RBFOX3: variants seen among roughly 807,000 people sequenced by gnomAD.
RBFOX3 encodes RNA binding protein fox-1 homolog 3.
RBFOX3 carries 17 observed loss-of-function variants against 48.7 expected under a neutral mutation model. The ratio of observed to expected loss-of-function variants is 0.35; its 90% confidence interval spans 0.24 to 0.52. The LOEUF is 0.52. Among genes scored for constraint, RBFOX3 ranks in the 20% least tolerant of loss-of-function variants. RBFOX3 has a pLI of 0.94. For synonymous variants in RBFOX3, 212 were observed against 209.5 expected, an observed-to-expected ratio of 1.01 and a Z score of -0.10; for missense variants, 382 against 497.5, an observed-to-expected ratio of 0.77 and a Z score of 2.21.
chr17:79,120,301 T>C (rs757274615), intron 4 of RBFOX3, among the ~76,000 whole-genome samples: 75 of 152,172 alleles, frequency 4.9e-4, no homozygotes, highest in Non-Finnish European at 1.0e-3. Context: ...TGTACGTACG[T>C]ATGTACGTAT....
chr17:79,097,208 C>A, intron 11 of RBFOX3, 84 bp downstream of exon 11: 1 of 1,237,468 alleles, frequency 8.1e-7, no homozygotes, highest in Non-Finnish European at 1.1e-6. Context: ...TGCCTAGCCC[C>A]TCGCACTGCG....
chr17:79,302,156 T>G (rs2075409879), intron 3 of RBFOX3, among the ~76,000 whole-genome samples: 4 of 152,250 alleles, frequency 2.6e-5, no homozygotes. Context: ...AACAGACATT[T>G]GCACCCACTG....
At chr17:79,630,249 TC>T in the RBFOX3 span, among the ~76,000 whole-genome samples, 1 of 152,110 alleles carries the variant, frequency 6.6e-6, no homozygotes, top group Non-Finnish European at 1.5e-5. Context: ...CCAAGAAGAC[TC>T]CAGAGTGAGC....
intron 2 of RBFOX3, among the ~76,000 whole-genome samples, chr17:79,402,178 G>A (rs2062892657): frequency 6.6e-6 from 1 of 152,318 alleles, no homozygotes; most frequent in East Asian, 1.9e-4. Flanking sequence ...GAAGGGAAGG[G>A]GCTCTGCAAG....
chr17:79,462,853 C>A (rs566186667), intron 2 of RBFOX3, among the ~76,000 whole-genome samples: 1 of 152,182 alleles, frequency 6.6e-6, no homozygotes. Context: ...CCAGACACAG[C>A]GGTTATCTGA....
intron 12 of RBFOX3, 51 bp from the exon 13 acceptor site, chr17:79,095,625 C>G: frequency 6.7e-7 from 1 of 1,497,914 alleles, no homozygotes; most frequent in Non-Finnish European, 9.1e-7. Context: ...TGGGGCTCCC[C>G]AGGGAAAGGC....
At chr17:79,613,918 G>C (rs1160094037), upstream of RBFOX3, among the ~76,000 whole-genome samples, 2 of 152,226 alleles carry the variant, frequency 1.3e-5, no homozygotes, top group Non-Finnish European at 2.9e-5. Context: ...AGGTTGCAGA[G>C]AGCCGAGATC....
chr17:79,585,507 A>T (rs1210662636), intron 1 of RBFOX3, among the ~76,000 whole-genome samples: 1 of 152,168 alleles, frequency 6.6e-6, no homozygotes, highest in Non-Finnish European at 1.5e-5. Flanking sequence ...CAGTGAGCCG[A>T]GTTCACAGCA....
intron 2 of RBFOX3, among the ~76,000 whole-genome samples, chr17:79,375,429 GGTGT>G (rs1044752103): frequency 2.6e-5 from 4 of 151,298 alleles, no homozygotes; most frequent in African/African-American, 9.7e-5. Context: ...GGATGTTGAG[GGTGT>G]GTATTTGGGG....
chr17:79,538,716 T>TG (rs1437668167), intron 1 of RBFOX3, among the ~76,000 whole-genome samples: 2 of 152,166 alleles, frequency 1.3e-5, no homozygotes, highest in Non-Finnish European at 2.9e-5. Flanking sequence ...GGTGCCCATG[T>TG]GGGGGCTGGA....
chr17:79,455,772 A>G (rs2074365541), intron 2 of RBFOX3, among the ~76,000 whole-genome samples: 1 of 152,090 alleles, frequency 6.6e-6, no homozygotes, highest in Non-Finnish European at 1.5e-5. Context: ...TCATCCACAG[A>G]GCTGCTGTCA....
upstream of RBFOX3, among the ~76,000 whole-genome samples, chr17:79,612,049 C>A (rs1048625104): frequency 1.2e-4 from 19 of 152,074 alleles, no homozygotes; most frequent in Non-Finnish European, 2.6e-4. Flanking sequence ...GAGTGGGGAC[C>A]CTCTGGAAAG....
At position 79,220,590 on chromosome 17, in the gene RBFOX3, CA is replaced by C. The variant is rs2059606897; in HGVS notation, c.-34+15175del. On this transcript the variant is annotated intron_variant, in intron 4 of 14. Coordinates refer to ENST00000693108, the MANE Select transcript of RBFOX3 (RefSeq NM_001350451.2). This position sits in a 1 kb window ranked among gnomAD's most constrained non-coding sequence, Gnocchi z 5.9. ...TCCAGCGCTCATCAAGCAGGGGACC[CA>C]GGGGAGGGTGTGTGTGTGTGTGTGT... 6.8e-6 allele frequency among the ~76,000 whole-genome samples: 1 copy of C among 146,160 alleles called. No individual in the cohort carries two copies. Among genetic ancestry groups the C allele is most frequent in the Admixed American group, 6.8e-5 (1 of 14,778 alleles).
chr17:79,611,183 T>TTCTC (rs1196349028), upstream of RBFOX3, among the ~76,000 whole-genome samples: 75 of 41,490 alleles, frequency 1.8e-3, 4 homozygotes, highest in African/African-American at 7.7e-3. Flanking sequence ...TCCGCCCTCC[T>TTCTC]TCTCTCTCTC....
intron 1 of RBFOX3, among the ~76,000 whole-genome samples, chr17:79,522,684 CT>C (rs1198365463): frequency 1.3e-5 from 2 of 152,102 alleles, no homozygotes; most frequent in African/African-American, 4.8e-5. Flanking sequence ...AAACCCAGCA[CT>C]TTGGGATGCC....
intron 1 of RBFOX3, among the ~76,000 whole-genome samples, chr17:79,493,281 T>A (rs2080965584): frequency 6.6e-6 from 1 of 151,998 alleles, no homozygotes; most frequent in Non-Finnish European, 1.5e-5. Flanking sequence ...GCCCCCATGA[T>A]CCAATCACCT....
chr17:79,090,659 G>A lies in RBFOX3; in HGVS notation c.*224C>T, dbSNP rs894643646. ...CTGCCAGCCAGGACGCGGTGGGGCC[G>A]TCCTGTCCTGGGGCCGCTCCTCGGC... On this transcript the variant is annotated 3_prime_UTR_variant, in exon 15 of 15. Coordinates refer to ENST00000693108, the MANE Select transcript of RBFOX3 (RefSeq NM_001350451.2). The A allele has an allele frequency of 5.0e-5, 28 of 564,470 alleles. No homozygotes were observed. Among genetic ancestry groups the A allele is most frequent in the East Asian group, 2.4e-4 (8 of 33,390 alleles). 35.0% of individuals were successfully genotyped at this position (564,470 alleles called of 1,614,324 possible).
chr17:79,435,544 C>A (rs2069250688), intron 2 of RBFOX3, among the ~76,000 whole-genome samples: 1 of 152,224 alleles, frequency 6.6e-6, no homozygotes, highest in Non-Finnish European at 1.5e-5. Context: ...TGAGCACAGT[C>A]ACCACCTCCT....
intron 4 of RBFOX3, among the ~76,000 whole-genome samples, chr17:79,200,162 C>CAAAAAAAAAAA (rs3046721): frequency 9.0e-6 from 1 of 110,978 alleles, no homozygotes; most frequent in East Asian, 2.6e-4. Context: ...GACTCCGTCT[C>CAAAAAAAAAAA]AAAAAAAAAA....
Sources: gnomAD v4.1 joint callset for allele counts (sites outside exome capture counted in the v4.1 genomes callset) on GRCh38, gnomAD v4.1.1 for gene constraint, Gnocchi (gnomAD v3.1) non-coding constraint, MANE v1.5 for transcripts, NCBI Gene and HGNC (gene_info 2026-07-23, HGNC 2026-07-21) for gene names.